Variants in TTLL5 observed in about 807,000 individuals in gnomAD.
The protein encoded by TTLL5 is tubulin polyglutamylase TTLL5.
Under a neutral mutation model 168.4 loss-of-function variants are expected in TTLL5, and 132 were observed. The ratio of observed to expected loss-of-function variants is 0.78; its 90% CI spans 0.68 to 0.91. The LOEUF (loss-of-function observed/expected upper bound fraction) is 0.91, where lower values mean the gene tolerates loss of function less well. TTLL5 is among the 40% of genes least tolerant of loss of function. TTLL5 has a pLI of 0.00. For missense variants in TTLL5, 1,545 were observed against 1,581.5 expected (o/e 0.98, Z 0.39); for synonymous variants, 546 against 558.6 (o/e 0.98, Z 0.32).
chr14:75,799,213 G>A lies in TTLL5; in HGVS notation c.3171+6113G>A, dbSNP rs553824419. ...ATTGGACTAGTCCTTTTATCATTAC[G>A]TAATGTCCCTCTTTGTCTCTTTAAA... On this transcript the variant is annotated intron_variant, in intron 27 of 31. Transcript: ENST00000298832. Among the ~76,000 whole-genome samples the A allele has an allele frequency of 3.9e-5, 6 of 152,162 alleles. No homozygotes were observed. In the South Asian group the frequency reaches 8.3e-4, roughly 21 times the overall value.
intron 27 of TTLL5, among the ~76,000 whole-genome samples, chr14:75,797,391 A>G (rs1200428763): frequency 6.6e-6 from 1 of 151,878 alleles, no homozygotes; most frequent in Non-Finnish European, 1.5e-5. Flanking sequence ...TTCCTCTTTA[A>G]TGATTTGAAT....
intron 31 of TTLL5, among the ~76,000 whole-genome samples, chr14:75,934,589 A>G (rs2034378812): frequency 6.6e-6 from 1 of 152,226 alleles, no homozygotes; most frequent in Non-Finnish European, 1.5e-5. Context: ...GTCTAGGTTG[A>G]ATATGGTGCT....
chr14:75,813,275 TGTGTGTGTGTG>T (rs2140397397), intron 27 of TTLL5, among the ~76,000 whole-genome samples: 2 of 1,392 alleles, frequency 1.4e-3, no homozygotes, highest in South Asian at 0.067. Context: ...TGTGTTTGTG[TGTGTGTGTGTG>T]TGTGTGTGTG....
intron 28 of TTLL5, among the ~76,000 whole-genome samples, chr14:75,828,095 A>G (rs1895332143): frequency 6.6e-6 from 1 of 152,104 alleles, no homozygotes; most frequent in African/African-American, 2.4e-5. Flanking sequence ...CAATGATGTG[A>G]CTATAATTTA....
At chr14:75,925,902 C>T (rs1595281825) in intron 31 of TTLL5, among the ~76,000 whole-genome samples, 1 of 151,944 alleles carries the variant, frequency 6.6e-6, no homozygotes, top group East Asian at 1.9e-4. Context: ...GTACGAAAAC[C>T]AGTCAGGCGT....
chr14:75,854,313 A>G lies in TTLL5; in HGVS notation c.3327-9354A>G, dbSNP rs559837648. On this transcript the variant is annotated intron_variant, in intron 28 of 31. Coordinates refer to ENST00000298832, the MANE Select transcript of TTLL5 (RefSeq NM_015072.5). ...TTTTGTGTTTGGCTTCTTTCATTCA[A>G]TACAGTGTTTTTGAGATTCATCTGT... 6.0e-4 allele frequency among the ~76,000 whole-genome samples: 91 copies of G among 152,284 alleles called. 1 individual carries two copies. The highest frequency in any genetic ancestry group is 9.2e-4 in the Admixed American group (14 of 15,290).
intron 31 of TTLL5, among the ~76,000 whole-genome samples, chr14:75,908,595 T>C (rs2033242347): frequency 1.3e-5 from 2 of 152,146 alleles, no homozygotes; most frequent in South Asian, 4.1e-4. Context: ...CAGTTGTCCT[T>C]ATCAGAGTGG....
chr14:75,853,059 C>A (rs139013559), intron 28 of TTLL5, among the ~76,000 whole-genome samples: 32 of 152,310 alleles, frequency 2.1e-4, no homozygotes, highest in African/African-American at 7.2e-4. Flanking sequence ...TGTGCAATTT[C>A]AGTGCTAAAT....
Position 75,954,524 on chromosome 14 carries a change from A to G in TTLL5, c.*78A>G. 6.5e-7 allele frequency: 1 copy of G among 1,546,914 alleles called. No individual in the cohort carries two copies. Among genetic ancestry groups the G allele is most frequent in the Middle Eastern group, 1.7e-4 (1 of 5,930 alleles). ...AGGGTGAAGCATCCACCAGCACTTC[A>G]AGGGGTCCATAGTATTTTTTTTTTT... On this transcript the variant is annotated 3_prime_UTR_variant, in exon 32 of 32. Transcript: ENST00000298832.
chr14:75,726,411 A>AT (rs969361802), intron 12 of TTLL5, among the ~76,000 whole-genome samples: 1 of 152,058 alleles, frequency 6.6e-6, no homozygotes, highest in Non-Finnish European at 1.5e-5. Context: ...CTTAAAATAT[A>AT]TTTTTTTCAT....
At position 75,837,816 on chromosome 14, in the gene TTLL5, CAT is replaced by C. The variant is rs945969365; in HGVS notation, c.3326+17664_3326+17665del. Among the ~76,000 whole-genome samples, 49 of 151,960 alleles carry C rather than the reference CAT, an allele frequency of 3.2e-4. 1 individual carries two copies. The highest frequency in any genetic ancestry group is 3.5e-4 in the Non-Finnish European group (24 of 67,988). On this transcript the variant is annotated intron_variant, in intron 28 of 31. Transcript: ENST00000298832. ...GAATAATATAAAATATTTCATTAAACATATATATATGTGTATATCTAGATATA... is the reference window on the plus strand; with the variant it reads ...GAATAATATAAAATATTTCATTAAACATATATATGTGTATATCTAGATATA...
At chr14:75,806,505 T>G (rs1368617118) in intron 27 of TTLL5, among the ~76,000 whole-genome samples, 1 of 152,234 alleles carries the variant, frequency 6.6e-6, no homozygotes, top group East Asian at 1.9e-4. Context: ...CTATCACACA[T>G]GTTTTTGTGC....
At chr14:75,838,640 C>G (rs1896021808) in intron 28 of TTLL5, 1 of 152,218 alleles carries the variant, frequency 6.6e-6, no homozygotes, top group Non-Finnish European at 1.5e-5. Context: ...TGGTGCAACC[C>G]CTGGCTAAGG....
intron 3 of TTLL5, among the ~76,000 whole-genome samples, chr14:75,679,101 C>T (rs112735500): frequency 9.7e-4 from 148 of 152,230 alleles, no homozygotes; most frequent in African/African-American, 3.4e-3. Context: ...CTTCTAATTT[C>T]CAGAATCTGT....
chr14:75,934,861 G>T (rs566524846), intron 31 of TTLL5, among the ~76,000 whole-genome samples: 1 of 152,290 alleles, frequency 6.6e-6, no homozygotes, highest in East Asian at 1.9e-4. Context: ...ACTGGGTTCC[G>T]GGTGAGCATG....
chr14:75,954,279 C>A, intron 31 of TTLL5, 145 bp from the exon 32 acceptor site: 3 of 514,366 alleles, frequency 5.8e-6, no homozygotes, highest in Non-Finnish European at 1.0e-5. Context: ...AAAAAAAGAG[C>A]TTTCCACTTA....
chr14:75,859,387 T>A (rs1897295563), intron 28 of TTLL5, among the ~76,000 whole-genome samples: 2 of 152,246 alleles, frequency 1.3e-5, no homozygotes, highest in South Asian at 4.1e-4. Flanking sequence ...GGATAGGCTA[T>A]TAAGAGAATG....
intron 15 of TTLL5, among the ~76,000 whole-genome samples, chr14:75,739,185 C>T (rs1889094345): frequency 6.6e-6 from 1 of 151,840 alleles, no homozygotes. Flanking sequence ...CTTGAATTAC[C>T]GTAGGTTGTA....
intron 3 of TTLL5, among the ~76,000 whole-genome samples, chr14:75,676,581 A>G (rs1334082677): frequency 6.6e-6 from 1 of 151,954 alleles, no homozygotes; most frequent in Admixed American, 6.6e-5. Context: ...CTTTTTTTGC[A>G]CTACTCTTTT....
Sources: gnomAD v4.1 joint callset for allele counts (sites outside exome capture counted in the v4.1 genomes callset) on GRCh38, gnomAD v4.1.1 for gene constraint, MANE v1.5 for transcripts, NCBI Gene and HGNC (gene_info 2026-07-23, HGNC 2026-07-21) for gene names.